Variants in CASR observed in about 807,000 individuals in gnomAD.
The protein encoded by CASR is calcium sensing receptor.
A neutral mutation model predicts 69.1 loss-of-function variants in CASR; 23 were observed. The observed-to-expected ratio is 0.33, with a 90% confidence interval of 0.24 to 0.47. CASR has a LOEUF of 0.47. CASR is among the 20% of genes least tolerant of loss of function. The pLI is 1.00. For missense variants in CASR, 924 were observed against 1,356.1 expected (o/e 0.68, Z 5.00); for synonymous variants, 541 against 544.7 (o/e 0.99, Z 0.10).
chr3:122,260,545 C>G (rs2074607754), intron 3 of CASR, among the ~76,000 whole-genome samples: 1 of 152,198 alleles, frequency 6.6e-6, no homozygotes, highest in Non-Finnish European at 1.5e-5. Flanking sequence ...AGGTGCTTCC[C>G]AATGGAAGAT....
chr3:122,194,686 T>A (rs981143926), intron 1 of CASR, among the ~76,000 whole-genome samples: 1 of 152,202 alleles, frequency 6.6e-6, no homozygotes, highest in Non-Finnish European at 1.5e-5. Flanking sequence ...GTACTAGCCA[T>A]GTCTTATAAC....
chr3:122,225,140 T>G (rs1286856384), intron 1 of CASR, among the ~76,000 whole-genome samples: 1 of 152,122 alleles, frequency 6.6e-6, no homozygotes, highest in African/African-American at 2.4e-5. Context: ...GAAATAACAT[T>G]CTGGACATCA....
At chr3:122,189,225 C>T (rs75897062) in intron 1 of CASR, among the ~76,000 whole-genome samples, 2,708 of 152,278 alleles carry the variant, frequency 0.018, 76 homozygotes, top group African/African-American at 0.062. Context: ...ATTAACCTAG[C>T]TGAGCCTCAG....
At chr3:122,191,369 C>G (rs994467907) in intron 1 of CASR, among the ~76,000 whole-genome samples, 1 of 152,042 alleles carries the variant, frequency 6.6e-6, no homozygotes, top group African/African-American at 2.4e-5. Context: ...TGGAGTGCAA[C>G]GGTGCGATCT....
chr3:122,209,370 T>C (rs552468706), intron 1 of CASR, among the ~76,000 whole-genome samples: 4 of 152,142 alleles, frequency 2.6e-5, no homozygotes, highest in Non-Finnish European at 5.9e-5. Context: ...TGTTAGTCCG[T>C]TTTCACACTG....
intron 4 of CASR, among the ~76,000 whole-genome samples, chr3:122,270,688 A>T (rs1341283709): frequency 1.3e-5 from 2 of 152,112 alleles, no homozygotes; most frequent in African/African-American, 4.8e-5. Context: ...TCAAATTTTG[A>T]TATGCTGTGT....
chr3:122,286,020 A>G lies in CASR; in HGVS notation c.*829A>G, dbSNP rs993818412. The G allele has an allele frequency of 6.6e-6, 1 of 152,590 alleles. No homozygotes were observed. The highest frequency in any genetic ancestry group is 2.4e-5 in the African/African-American group (1 of 41,406). 9.5% of individuals were successfully genotyped at this position (152,590 alleles called of 1,614,324 possible). ...CCACCCCACTATCCTCACTCCCATA[A>G]GCTAAGCCTTATGTGAGCCCCTTCA... is the stretch of plus-strand genomic sequence containing the variant. On this transcript the variant is annotated 3_prime_UTR_variant, in exon 7 of 7. Coordinates refer to ENST00000639785, the MANE Select transcript of CASR (RefSeq NM_000388.4).
chr3:122,252,409 A>AGGAGAAAGAAAG lies in CASR; in HGVS notation c.-242-1539_-242-1538insGGAGAAAGAAAG, dbSNP rs1553765626. 3.1e-4 allele frequency among the ~76,000 whole-genome samples: 2 copies of AGGAGAAAGAAAG among 6,482 alleles called. 1 individual carries two copies. The highest frequency in any genetic ancestry group is 7.5e-4 in the Non-Finnish European group (2 of 2,652). The allele number at this position is 6,482 out of a possible 152,430, so 4.3% of individuals were successfully genotyped here. On this transcript the variant is annotated intron_variant, in intron 1 of 6. Transcript: ENST00000639785. ...AAGGAAGGAAGGAAGGAAGGAAGGA[A>AGGAGAAAGAAAG]AAAGAAAGAAAGAAAGAAAGAAAGA...
In CASR at chr3:122,284,345, G is replaced by T. The variant is rs1163948264; in HGVS notation, c.2391G>T (p.Leu797=). The change falls in exon 7 of 7, where the codon CTG becomes CTT. Residue 797 remains leucine, a synonymous_variant. Coordinates refer to ENST00000639785, the MANE Select transcript of CASR (RefSeq NM_000388.4). ...TCTTTGCCTTCAAGTCCCGGAAGCT[G>T]CCGGAGAACTTCAATGAAGCCAAGT... ...CFFFAFKSRK[L]PENFNEAKFI... 1 of 1,614,070 alleles carries T rather than the reference G, an allele frequency of 6.2e-7. No homozygotes were observed. Among genetic ancestry groups the T allele is most frequent in the Admixed American group, 1.7e-5 (1 of 60,022 alleles).
chr3:122,212,805 C>T (rs970887432), intron 1 of CASR, among the ~76,000 whole-genome samples: 1 of 152,024 alleles, frequency 6.6e-6, no homozygotes, highest in Non-Finnish European at 1.5e-5. Context: ...CCATGCGTGG[C>T]TAATTTTTGT....
chr3:122,192,865 C>G (rs1037157769), intron 1 of CASR, among the ~76,000 whole-genome samples: 1 of 152,186 alleles, frequency 6.6e-6, no homozygotes, highest in Non-Finnish European at 1.5e-5. Context: ...GCTCTTCTCA[C>G]GATCCAGCTG....
chr3:122,252,331 AG>A (rs1576849977), intron 1 of CASR, among the ~76,000 whole-genome samples: 1 of 82,156 alleles, frequency 1.2e-5, no homozygotes, highest in East Asian at 2.5e-4. Flanking sequence ...AGAAAGAAAG[AG>A]AGAGAAAGAA....
rs553684692 is a variant in CASR, at chr3:122,288,635, C to T, written c.*3444C>T. 2.6e-5 allele frequency: 4 copies of T among 151,956 alleles called. No homozygotes were observed. The highest frequency in any genetic ancestry group is 5.9e-5 in the Non-Finnish European group (4 of 68,020). The allele number at this position is 151,956 out of a possible 1,614,324, so 9.4% of individuals were successfully genotyped here. ...ATAAACCTCATATTCTAAGTCTTTG[C>T]TGGCTTTGGTTATAGAAAATACACA... On this transcript the variant is annotated 3_prime_UTR_variant, in exon 7 of 7. Transcript: ENST00000639785.
intron 1 of CASR, among the ~76,000 whole-genome samples, chr3:122,191,282 A>G (rs1032105427): frequency 1.3e-5 from 2 of 152,174 alleles, no homozygotes; most frequent in Non-Finnish European, 2.9e-5. Flanking sequence ...TTACATAAAC[A>G]TTTAAAATAC....
In CASR at chr3:122,283,702, A is replaced by G. The variant is rs2074920846; in HGVS notation, c.1748A>G (p.Asn583Ser). 3 of 1,614,080 alleles carry G rather than the reference A, an allele frequency of 1.9e-6. No individual in the cohort carries two copies. In the African/African-American group the frequency reaches 4.0e-5, roughly 22 times the overall value. Residue 583 changes from asparagine to serine, a missense_variant, in exon 7 of 7, where the codon AAC becomes AGC. By Grantham distance (46) the Asn-to-Ser change is conservative (BLOSUM62 1). This residue lies in a region of CASR where 18 missense variants were observed against 57.9 expected (regional missense o/e 0.31). Coordinates refer to ENST00000639785, the MANE Select transcript of CASR (RefSeq NM_000388.4). ...CATTTTACAGATGCCAGTGCCTGTA[A>G]CAAGTGCCCAGATGACTTCTGGTCC... is the stretch of plus-strand genomic sequence containing the variant. ...YSDETDASAC[N>S]KCPDDFWSNE...
intron 1 of CASR, among the ~76,000 whole-genome samples, chr3:122,234,127 T>C (rs9851515): frequency 0.022 from 3,285 of 152,314 alleles, 111 homozygotes; most frequent in African/African-American, 0.074. Flanking sequence ...AAATGTCCAG[T>C]TCATGGCAAA....
At chr3:122,235,017 C>G (rs890307938) in intron 1 of CASR, among the ~76,000 whole-genome samples, 1 of 152,194 alleles carries the variant, frequency 6.6e-6, no homozygotes, top group African/African-American at 2.4e-5. Flanking sequence ...GAAAGAGCCC[C>G]TGAAGAGCTC....
chr3:122,251,667 T>G (rs79983922), intron 1 of CASR, among the ~76,000 whole-genome samples: 1 of 152,208 alleles, frequency 6.6e-6, no homozygotes, highest in South Asian at 2.1e-4. Flanking sequence ...CTTGAGGAAC[T>G]GAAAGAAGTT....
chr3:122,235,668 G>T (rs1044825810), intron 1 of CASR, among the ~76,000 whole-genome samples: 1 of 152,162 alleles, frequency 6.6e-6, no homozygotes, highest in African/African-American at 2.4e-5. Context: ...GTAGTGGCAT[G>T]TTCCTATAGT....
Sources: allele counts gnomAD v4.1 joint callset (sites outside exome capture counted in the v4.1 genomes callset), GRCh38; gene constraint gnomAD v4.1.1; regional missense constraint gnomAD v4.1.1; transcripts MANE v1.5; gene names NCBI Gene and HGNC (gene_info 2026-07-23, HGNC 2026-07-21).